KLHL1: variants seen among roughly 807,000 people sequenced by gnomAD.
The protein encoded by KLHL1 is kelch like family member 1.
In KLHL1, 47 loss-of-function variants were observed where a neutral mutation model predicts 77.7. The observed-to-expected ratio is 0.60, with a 90% confidence interval of 0.48 to 0.77. The LOEUF is 0.77. Among genes scored for constraint, KLHL1 ranks in the 30% least tolerant of loss-of-function variants. The pLI is 0.00. For synonymous variants in KLHL1, 360 were observed against 325.2 expected, an observed-to-expected ratio of 1.11 and a Z score of -1.15; for missense variants, 925 against 910.8, an observed-to-expected ratio of 1.02 and a Z score of -0.20.
intron 1 of KLHL1, among the ~76,000 whole-genome samples, chr13:70,013,174 A>G (rs1885578404): frequency 6.6e-6 from 1 of 152,176 alleles, no homozygotes; most frequent in Non-Finnish European, 1.5e-5. Context: ...ATGATAAAGA[A>G]GAAATATAAA....
At chr13:70,040,452 A>G (rs1167184912) in intron 1 of KLHL1, among the ~76,000 whole-genome samples, 2 of 152,170 alleles carry the variant, frequency 1.3e-5, no homozygotes, top group Non-Finnish European at 2.9e-5. Flanking sequence ...TGTGAATCCA[A>G]TATTTTAAAA....
At chr13:69,930,553 A>G (rs1344052674) in intron 4 of KLHL1, among the ~76,000 whole-genome samples, 1 of 151,890 alleles carries the variant, frequency 6.6e-6, no homozygotes, top group Non-Finnish European at 1.5e-5. Context: ...CTTCCAAAGA[A>G]TACAAAACTA....
intron 1 of KLHL1, among the ~76,000 whole-genome samples, chr13:70,051,249 T>A (rs1055162374): frequency 2.6e-5 from 4 of 152,142 alleles, no homozygotes; most frequent in Admixed American, 1.3e-4. Context: ...ATTAGTAATA[T>A]CATGTGTTTC....
chr13:69,945,209 A>T (rs559812417), intron 3 of KLHL1, among the ~76,000 whole-genome samples: 1 of 151,018 alleles, frequency 6.6e-6, no homozygotes, highest in South Asian at 2.1e-4. Context: ...CTGGTCTCAA[A>T]CTCCTGACCT....
chr13:70,025,561 A>G (rs1431863934), intron 1 of KLHL1, among the ~76,000 whole-genome samples: 1 of 151,930 alleles, frequency 6.6e-6, no homozygotes, highest in Non-Finnish European at 1.5e-5. Context: ...TGTTTCCCCC[A>G]AAGTATTTGT....
intron 5 of KLHL1, among the ~76,000 whole-genome samples, chr13:69,857,130 A>G (rs1047291227): frequency 6.6e-6 from 1 of 151,998 alleles, no homozygotes; most frequent in Non-Finnish European, 1.5e-5. Context: ...TTGTGCTTGC[A>G]TGACTTCTAT....
intron 5 of KLHL1, among the ~76,000 whole-genome samples, chr13:69,851,521 A>G (rs1422684030): frequency 6.6e-6 from 1 of 151,852 alleles, no homozygotes; most frequent in Non-Finnish European, 1.5e-5. Context: ...TTAGAGTTGC[A>G]TGAAGTAATA....
intron 7 of KLHL1, among the ~76,000 whole-genome samples, chr13:69,784,551 C>A (rs1054895836): frequency 1.3e-5 from 2 of 151,730 alleles, no homozygotes; most frequent in African/African-American, 4.8e-5. Context: ...TCTGATAAAA[C>A]AGACTTTAAA....
chr13:69,925,254 C>T (rs1192165033), intron 4 of KLHL1, among the ~76,000 whole-genome samples: 1 of 152,136 alleles, frequency 6.6e-6, no homozygotes, highest in African/African-American at 2.4e-5. Context: ...ACTCATTGAG[C>T]ACAGTTCAGT....
intron 4 of KLHL1, among the ~76,000 whole-genome samples, chr13:69,892,610 A>G (rs1881465011): frequency 6.6e-6 from 1 of 152,190 alleles, no homozygotes; most frequent in Non-Finnish European, 1.5e-5. Context: ...TTCTCAGAAA[A>G]AAAAACAACA....
At chr13:69,844,137 G>T (rs1439741762) in intron 5 of KLHL1, among the ~76,000 whole-genome samples, 1 of 150,838 alleles carries the variant, frequency 6.6e-6, no homozygotes, top group Non-Finnish European at 1.5e-5. Context: ...TATGTGCCTA[G>T]GTTTATAATA....
intron 6 of KLHL1, among the ~76,000 whole-genome samples, chr13:69,833,922 AT>A (rs1878875215): frequency 6.6e-6 from 1 of 151,812 alleles, no homozygotes; most frequent in Non-Finnish European, 1.5e-5. Flanking sequence ...GAACTAAATA[AT>A]GGCATTTGCA....
At chr13:70,041,886 G>A (rs955783523) in intron 1 of KLHL1, among the ~76,000 whole-genome samples, 2 of 152,098 alleles carry the variant, frequency 1.3e-5, no homozygotes, top group African/African-American at 4.8e-5. Flanking sequence ...TTGGATGGAC[G>A]TCTTGGCTCC....
chr13:70,092,354 G>T lies in KLHL1; in HGVS notation c.497+14849C>A, dbSNP rs981601246. Among the ~76,000 whole-genome samples, 11 of 152,010 alleles carry T rather than the reference G, an allele frequency of 7.2e-5. 1 individual carries two copies. The highest frequency in any genetic ancestry group is 6.6e-5 in the Admixed American group (1 of 15,244). On this transcript the variant is annotated intron_variant, in intron 1 of 10. Coordinates refer to ENST00000377844, the MANE Select transcript of KLHL1 (RefSeq NM_020866.3). ...CGCTGAATTCTACCTATATGACTTT[G>T]TTCATGTTGCTTACTCCATTTAGAA...
intron 7 of KLHL1, among the ~76,000 whole-genome samples, chr13:69,789,792 CTT>C (rs776618632): frequency 5.3e-5 from 8 of 152,068 alleles, no homozygotes; most frequent in Non-Finnish European, 1.0e-4. Context: ...CAACAAGAGA[CTT>C]TAAATCTGGA....
At chr13:69,806,481 A>C (rs1877622902) in intron 6 of KLHL1, among the ~76,000 whole-genome samples, 1 of 152,174 alleles carries the variant, frequency 6.6e-6, no homozygotes, top group African/African-American at 2.4e-5. Flanking sequence ...GAACACTTGG[A>C]TTCATCAGAG....
chr13:69,827,058 G>A (rs1012185913), intron 6 of KLHL1, among the ~76,000 whole-genome samples: 1 of 151,422 alleles, frequency 6.6e-6, no homozygotes, highest in African/African-American at 2.4e-5. Flanking sequence ...TGAAATGTGG[G>A]CTGAATTTTA....
intron 5 of KLHL1, among the ~76,000 whole-genome samples, chr13:69,872,686 C>T (rs1480706728): frequency 6.6e-6 from 1 of 152,150 alleles, no homozygotes; most frequent in Admixed American, 6.5e-5. Context: ...AAGAATATAT[C>T]TCCTATTGAT....
At chr13:69,947,152 T>C (rs1216716541) in intron 3 of KLHL1, among the ~76,000 whole-genome samples, 2 of 151,678 alleles carry the variant, frequency 1.3e-5, no homozygotes, top group Non-Finnish European at 2.9e-5. Context: ...CTGAACCCTG[T>C]TGATATCTCT....
Sources: allele counts gnomAD v4.1 joint callset (sites outside exome capture counted in the v4.1 genomes callset), GRCh38; gene constraint gnomAD v4.1.1; transcripts MANE v1.5; gene names NCBI Gene and HGNC (gene_info 2026-07-23, HGNC 2026-07-21).